Variants in SLC3A2 observed in about 807,000 individuals in gnomAD.
SLC3A2 encodes the protein amino acid transporter heavy chain SLC3A2.
Under a neutral mutation model 48.5 loss-of-function variants are expected in SLC3A2, and 32 were observed. That is an observed-to-expected ratio of 0.66 (90% CI 0.50 to 0.89). The LOEUF is 0.89. SLC3A2 is among the 40% of genes least tolerant of loss of function. The probability of loss-of-function intolerance (pLI) is 0.00; values close to 1 mark genes in which losing one functional copy is unlikely to be tolerated. For synonymous variants in SLC3A2, 277 were observed against 288.8 expected (o/e 0.96, Z 0.41); for missense variants, 587 against 680.7 (o/e 0.86, Z 1.53).
chr11:62,883,669 G>A (rs888846925), intron 3 of SLC3A2: 3 of 229,332 alleles, frequency 1.3e-5, no homozygotes, highest in East Asian at 2.1e-4. Context: ...GTAGGACCCC[G>A]GGATCATCCA....
rs137865844 is a variant in SLC3A2, at chr11:62,868,799, C to T, written c.113-12220C>T. Among the ~76,000 whole-genome samples, 32 of 152,326 alleles carry T rather than the reference C, an allele frequency of 2.1e-4. No homozygotes were observed. In the East Asian group the frequency reaches 5.8e-3, roughly 27 times the overall value. On this transcript the variant is annotated intron_variant, in intron 1 of 9. Coordinates refer to the SLC3A2 transcript ENST00000377889. Reference sequence around the variant, plus strand: ...AGATGTTTTCATATTGCCAATCTGACGGACATGAAATTCTATTTTCTTGCC... The same window carrying T: ...AGATGTTTTCATATTGCCAATCTGATGGACATGAAATTCTATTTTCTTGCC...
At chr11:62,871,580 C>T (rs1262449537) in intron 1 of SLC3A2, 3 of 648,266 alleles carry the variant, frequency 4.6e-6, no homozygotes, top group South Asian at 1.7e-5. Flanking sequence ...TTTGTAGAGA[C>T]GGGGTCTGAC....
intron 1 of SLC3A2, among the ~76,000 whole-genome samples, chr11:62,868,036 C>T (rs986837014): frequency 6.6e-6 from 1 of 151,966 alleles, no homozygotes; most frequent in Non-Finnish European, 1.5e-5. Flanking sequence ...ATTCTCCTGC[C>T]TCAGCCTCCT....
At chr11:62,862,980 G>A (rs1166877679) in intron 1 of SLC3A2, among the ~76,000 whole-genome samples, 1 of 152,178 alleles carries the variant, frequency 6.6e-6, no homozygotes, top group Non-Finnish European at 1.5e-5. Flanking sequence ...GGAGTGCAGT[G>A]GCGTGATCTC....
rs1361454805 is a variant in SLC3A2, at chr11:62,881,855, C to T, written c.425-38C>T. 6.2e-7 allele frequency: 1 copy of T among 1,604,046 alleles called. No individual in the cohort carries two copies. Among genetic ancestry groups the T allele is most frequent in the South Asian group, 1.1e-5 (1 of 90,764 alleles). On this transcript the variant is annotated intron_variant, in intron 1 of 8. Transcript: ENST00000338663. This position sits in a 1 kb window ranked among gnomAD's most constrained non-coding sequence, Gnocchi z 4.0. ...GAGGGTGGGGAGGTCAGGGGCCTCT[C>T]AGAGGGGCCTCACTTGTTAACCCAG...
rs2085691982 is a variant in SLC3A2, at chr11:62,885,087, T to G, written c.819-90T>G. 5.6e-6 allele frequency: 8 copies of G among 1,431,806 alleles called. No homozygotes were observed. The East Asian group carries it at 1.8e-4, about 33-fold the overall frequency. 88.7% of individuals were successfully genotyped at this position (1,431,806 alleles called of 1,614,324 possible). A position where few individuals can be genotyped will look rare whatever the true frequency, so the allele number is the denominator to read the frequency against. Reference sequence around the variant, plus strand: ...CTCAAGTGATCCACCCGCCTCAGCCTCCCAAAGTGTTGGGATTACAGGCGT... The same window carrying G: ...CTCAAGTGATCCACCCGCCTCAGCCGCCCAAAGTGTTGGGATTACAGGCGT... On this transcript the variant is annotated intron_variant, in intron 5 of 8. Transcript: ENST00000338663.
intron 7 of SLC3A2, chr11:62,887,854 G>T: frequency 3.1e-6 from 1 of 320,254 alleles, no homozygotes; most frequent in Non-Finnish European, 6.0e-6. Flanking sequence ...GTACAGTGGT[G>T]GAGTCATGGC....
At chr11:62,861,798 C>T (rs937217614) in intron 1 of SLC3A2, among the ~76,000 whole-genome samples, 4 of 150,860 alleles carry the variant, frequency 2.7e-5, no homozygotes, top group Non-Finnish European at 4.4e-5. Flanking sequence ...GCCTGTAATT[C>T]GAGCTACTCA....
At position 62,882,057 on chromosome 11, in the gene SLC3A2, A is replaced by T; in HGVS notation, c.589A>T (p.Lys197Ter). The T allele has an allele frequency of 6.2e-7, 1 of 1,612,074 alleles. No homozygotes were observed. The highest frequency in any genetic ancestry group is 8.5e-7 in the Non-Finnish European group (1 of 1,178,618). ...TTTTGACAGTCTCTTGCAATCGGCT[A>T]AAAAAAAGAGTGGGTATCCTGGGGT... Reference protein sequence around the residue: ...EDFDSLLQSAKKKSIRVILDL... With the variant: ...EDFDSLLQSA The change falls in exon 2 of 9, where the codon AAA becomes TAA. Residue 197 changes from lysine (K) to a stop codon, truncating the protein, a stop_gained. Transcript: ENST00000338663. LOFTEE classifies it high-confidence loss of function.
chr11:62,882,488 CT>C (rs369854613), intron 2 of SLC3A2: 1,248 of 183,606 alleles, frequency 6.8e-3, no homozygotes, highest in South Asian at 0.018. Context: ...CTTCCAATAT[CT>C]TTTTTTTTTT....
chr11:62,865,868 C>T (rs1325832282), intron 1 of SLC3A2, among the ~76,000 whole-genome samples: 6 of 152,210 alleles, frequency 3.9e-5, no homozygotes, highest in African/African-American at 1.2e-4. Flanking sequence ...GCCTCTGTTA[C>T]GTGTTGGGAG....
chr11:62,881,018 G>A lies in SLC3A2; in HGVS notation c.-6G>A, dbSNP rs1354269408. 1.3e-6 allele frequency: 2 copies of A among 1,559,240 alleles called. No individual in the cohort carries two copies. Among genetic ancestry groups the A allele is most frequent in the African/African-American group, 1.4e-5 (1 of 73,850 alleles). ...GCTGCGTCGTGTCGCCGGTTCTGCA[G>A]GCACCATGAGCCAGGACACCGAGGT... On this transcript the variant is annotated 5_prime_UTR_variant, in exon 1 of 9. Transcript: ENST00000338663. This position sits in a 1 kb window ranked among gnomAD's most constrained non-coding sequence, Gnocchi z 4.0.
intron 1 of SLC3A2, among the ~76,000 whole-genome samples, chr11:62,872,168 C>T (rs111575561): frequency 3.6e-4 from 55 of 152,290 alleles, no homozygotes; most frequent in African/African-American, 1.3e-3. Context: ...GTCTGCCTGG[C>T]CTCCCAAAGT....
chr11:62,873,057 T>C (rs1360136265), intron 1 of SLC3A2, among the ~76,000 whole-genome samples: 1 of 152,060 alleles, frequency 6.6e-6, no homozygotes, highest in Non-Finnish European at 1.5e-5. Context: ...GGTCTCGCTC[T>C]GTGGCCTTGG....
Position 62,888,522 on chromosome 11 carries a change from C to T in SLC3A2, c.1419C>T (p.Leu473=), listed in dbSNP as rs747410430. 14 of 1,614,206 alleles carry T rather than the reference C, an allele frequency of 8.7e-6. No individual in the cohort carries two copies. Among genetic ancestry groups the T allele is most frequent in the Non-Finnish European group, 1.2e-5 (14 of 1,180,042 alleles). ...TGCTTAACTTTGGGGATGTGGGCCT[C>T]TCGGCTGGACTGCAGGCCTCCGACC... ...LVVLNFGDVG[L]SAGLQASDLP... Residue 473 remains leucine, a synonymous_variant, in exon 9 of 9, where the codon CTC becomes CTT. Coordinates refer to ENST00000338663, the MANE Select transcript of SLC3A2 (RefSeq NM_001013251.3).
rs372011282 is a variant in SLC3A2 at position 62,856,431 on chromosome 11, A to G, written c.112+50A>G. On this transcript the variant is annotated intron_variant, in intron 1 of 9. Transcript: ENST00000377889. ...GGAGGAGGTCCCCTTTGGTGGGGCC[A>G]TTTCGGGAAAGTATGTCAGGACGTA... 2.0e-6 allele frequency: 3 copies of G among 1,499,486 alleles called. No homozygotes were observed. In the African/African-American group the frequency reaches 4.2e-5, roughly 21 times the overall value. 92.9% of individuals were successfully genotyped at this position (1,499,486 alleles called of 1,614,324 possible). A position where few individuals can be genotyped will look rare whatever the true frequency, so the allele number is the denominator to read the frequency against.
intron 1 of SLC3A2, among the ~76,000 whole-genome samples, chr11:62,857,695 CAAAAAAA>C (rs56818745): frequency 1.9e-5 from 1 of 52,796 alleles, no homozygotes; most frequent in African/African-American, 7.9e-5. Context: ...GACCCTGTCT[CAAAAAAA>C]AAAAAAAAAA....
intron 1 of SLC3A2, among the ~76,000 whole-genome samples, chr11:62,870,120 C>G (rs1396733731): frequency 6.6e-6 from 1 of 150,774 alleles, no homozygotes; most frequent in Admixed American, 6.6e-5. Flanking sequence ...CTTTAAAACT[C>G]TTTTCTTATC....
chr11:62,859,729 T>C (rs1334707426), intron 1 of SLC3A2, among the ~76,000 whole-genome samples: 1 of 152,002 alleles, frequency 6.6e-6, no homozygotes, highest in Non-Finnish European at 1.5e-5. Flanking sequence ...GGGCCAAAGG[T>C]GGCCTTTGAT....
Sources: gnomAD v4.1 joint callset for allele counts (sites outside exome capture counted in the v4.1 genomes callset) on GRCh38, gnomAD v4.1.1 for gene constraint, Gnocchi (gnomAD v3.1) non-coding constraint, MANE v1.5 for transcripts, NCBI Gene and HGNC (gene_info 2026-07-23, HGNC 2026-07-21) for gene names.